The following CPNE8 variants were observed in gnomAD, a reference collection of about 807,000 sequenced individuals.
CPNE8 encodes the protein copine 8.
Under a neutral mutation model 81.5 loss-of-function variants are expected in CPNE8, and 45 were observed. The ratio of observed to expected loss-of-function variants is 0.55; its 90% CI spans 0.44 to 0.71. The LOEUF (loss-of-function observed/expected upper bound fraction) is 0.71. Among genes scored for constraint, CPNE8 ranks in the 30% least tolerant of loss-of-function variants. The pLI is 0.00. For synonymous variants in CPNE8, 252 were observed against 226.3 expected, an observed-to-expected ratio of 1.11 and a Z score of -1.02; for missense variants, 594 against 672.1, an observed-to-expected ratio of 0.88 and a Z score of 1.28.
intron 6 of CPNE8, among the ~76,000 whole-genome samples, chr12:38,796,995 C>G (rs915273229): frequency 6.6e-6 from 1 of 152,110 alleles, no homozygotes; most frequent in African/African-American, 2.4e-5. Flanking sequence ...GGCTGGGGGA[C>G]GGGTGCCCGC....
intron 19 of CPNE8, among the ~76,000 whole-genome samples, chr12:38,654,585 C>A (rs1008282266): frequency 3.3e-5 from 5 of 150,924 alleles, no homozygotes; most frequent in Admixed American, 3.3e-4. Flanking sequence ...ATAATATATG[C>A]TTTATCTCAA....
At position 38,776,297 on chromosome 12, in the gene CPNE8, T is replaced by G; in HGVS notation, c.412A>C (p.Ile138Leu). ...GSRLEKPIVG[I>L]PGKKCGTIIL... ...ATTGTACCACATTTCTTCCCTGGAA[T>G]TCCTCTAAAACAACAAAAATATATT... The change falls in exon 7 of 20, where the codon ATT becomes CTT. Residue 138 changes from isoleucine (I) to leucine (L), a missense_variant. Coordinates refer to ENST00000331366, the MANE Select transcript of CPNE8 (RefSeq NM_153634.3). 1 of 1,511,610 alleles carries G rather than the reference T, an allele frequency of 6.6e-7. No homozygotes were observed. The highest frequency in any genetic ancestry group is 9.0e-7 in the Non-Finnish European group (1 of 1,109,784). 93.6% of individuals were successfully genotyped at this position (1,511,610 alleles called of 1,614,324 possible).
intron 6 of CPNE8, among the ~76,000 whole-genome samples, chr12:38,817,316 T>A (rs1277007073): frequency 6.6e-6 from 1 of 152,212 alleles, no homozygotes; most frequent in East Asian, 1.9e-4. Context: ...TGAATTTATT[T>A]TTTAATCCTT....
intron 18 of CPNE8, among the ~76,000 whole-genome samples, chr12:38,672,985 C>T (rs1012932096): frequency 2.0e-5 from 3 of 152,142 alleles, no homozygotes; most frequent in Non-Finnish European, 4.4e-5. Flanking sequence ...CAAATCTCAT[C>T]TAAAATTGTA....
chr12:38,906,491 A>G, upstream of CPNE8: 1 of 985,884 alleles, frequency 1.0e-6, no homozygotes, highest in Non-Finnish European at 1.2e-6. Context: ...CAAAGGCATG[A>G]AAGTTCTGAC....
intron 4 of CPNE8, among the ~76,000 whole-genome samples, chr12:38,844,202 T>A (rs1943517340): frequency 6.6e-6 from 1 of 152,202 alleles, no homozygotes; most frequent in Non-Finnish European, 1.5e-5. Context: ...GTAAGTCATA[T>A]CTAGACTCAG....
chr12:38,754,828 C>T (rs1464596317), intron 10 of CPNE8, among the ~76,000 whole-genome samples: 2 of 151,864 alleles, frequency 1.3e-5, no homozygotes, highest in African/African-American at 2.4e-5. Context: ...AGAAGTGATA[C>T]GTAAGGGAAC....
chr12:38,798,131 C>A (rs183247079), intron 6 of CPNE8, among the ~76,000 whole-genome samples: 1 of 152,082 alleles, frequency 6.6e-6, no homozygotes, highest in African/African-American at 2.4e-5. Context: ...CTCTGCAAGA[C>A]ATTATCCAGG....
chr12:38,734,918 G>A (rs992131373), intron 10 of CPNE8, among the ~76,000 whole-genome samples: 7 of 152,058 alleles, frequency 4.6e-5, no homozygotes, highest in Non-Finnish European at 1.0e-4. Flanking sequence ...GGCTTGTGTT[G>A]TTCTCATGCA....
At chr12:38,726,166 A>T (rs535186555) in intron 11 of CPNE8, among the ~76,000 whole-genome samples, 63 of 151,688 alleles carry the variant, frequency 4.2e-4, no homozygotes, top group African/African-American at 1.5e-3. Context: ...TAGAGTTGTA[A>T]GGGGAGAAAA....
At chr12:38,857,216 C>T (rs1346513462) in intron 3 of CPNE8, among the ~76,000 whole-genome samples, 1 of 152,016 alleles carries the variant, frequency 6.6e-6, no homozygotes, top group Admixed American at 6.6e-5. Context: ...ATTATTCATG[C>T]CAATGTAGCC....
intron 4 of CPNE8, among the ~76,000 whole-genome samples, chr12:38,847,111 T>G (rs182999102): frequency 2.0e-3 from 297 of 152,230 alleles, no homozygotes; most frequent in Non-Finnish European, 2.3e-3. Context: ...GAGGCAATGC[T>G]TTTTTGTATT....
chr12:38,762,266 G>T, intron 8 of CPNE8, 50 bp from the exon 9 acceptor site: 2 of 1,099,034 alleles, frequency 1.8e-6, no homozygotes, highest in South Asian at 3.0e-5. Context: ...TATTTTAATT[G>T]ATCTATTGTT....
intron 8 of CPNE8, among the ~76,000 whole-genome samples, chr12:38,762,619 A>G (rs1227275996): frequency 6.6e-6 from 1 of 152,214 alleles, no homozygotes; most frequent in African/African-American, 2.4e-5. Context: ...AAGAGAAGAG[A>G]AACTGAGGCA....
intron 6 of CPNE8, among the ~76,000 whole-genome samples, chr12:38,824,906 C>G (rs984455314): frequency 6.6e-6 from 1 of 152,076 alleles, no homozygotes; most frequent in Non-Finnish European, 1.5e-5. Context: ...TGTGCAAATT[C>G]TATTTCTATC....
At chr12:38,691,342 A>T (rs1291709553) in intron 15 of CPNE8, among the ~76,000 whole-genome samples, 1 of 152,202 alleles carries the variant, frequency 6.6e-6, no homozygotes, top group Non-Finnish European at 1.5e-5. Flanking sequence ...TTTCTAGAGC[A>T]GTGCAATGTG....
chr12:38,806,571 C>T (rs1471105424), intron 6 of CPNE8, among the ~76,000 whole-genome samples: 67 of 149,804 alleles, frequency 4.5e-4, no homozygotes, highest in African/African-American at 1.2e-3. Flanking sequence ...GCTAAAAACT[C>T]TCAATAAATT....
intron 13 of CPNE8, among the ~76,000 whole-genome samples, chr12:38,704,383 T>C (rs568577060): frequency 2.0e-5 from 3 of 151,258 alleles, no homozygotes; most frequent in South Asian, 2.1e-4. Flanking sequence ...TATGTGTGCG[T>C]GTGTGTGTGT....
At chr12:38,802,885 G>A (rs1339340782) in intron 6 of CPNE8, among the ~76,000 whole-genome samples, 6 of 148,534 alleles carry the variant, frequency 4.0e-5, no homozygotes, top group East Asian at 2.0e-4. Flanking sequence ...ACACCTCTAC[G>A]CAAATAAACT....
Sources: allele counts gnomAD v4.1 joint callset (sites outside exome capture counted in the v4.1 genomes callset), GRCh38; gene constraint gnomAD v4.1.1; transcripts MANE v1.5; gene names NCBI Gene and HGNC (gene_info 2026-07-23, HGNC 2026-07-21).